Variants in DHX40 observed in about 807,000 individuals in gnomAD.
DHX40 encodes the protein probable ATP-dependent RNA helicase DHX40.
DHX40 carries 28 observed loss-of-function variants against 89.6 expected under a neutral mutation model. That is an observed-to-expected ratio of 0.31 (90% CI 0.23 to 0.43). The LOEUF (loss-of-function observed/expected upper bound fraction) is 0.43, where lower values mean the gene tolerates loss of function less well. DHX40 is among the 20% of genes least tolerant of loss of function. The pLI, the probability that DHX40 is intolerant of heterozygous loss-of-function variation, is 1.00. For missense variants in DHX40, 457 were observed against 844.0 expected (o/e 0.54, Z 5.68); for synonymous variants, 226 against 283.6 (o/e 0.80, Z 2.04).
At chr17:59,600,829 G>T (rs2030458516) in intron 14 of DHX40, among the ~76,000 whole-genome samples, 1 of 150,104 alleles carries the variant, frequency 6.7e-6, no homozygotes, top group South Asian at 2.1e-4. Flanking sequence ...GGGCAACAGA[G>T]CAGCAGCACC....
In DHX40 at chr17:59,607,143, C is replaced by T. The variant is rs1326263616; in HGVS notation, c.2311C>T (p.His771Tyr). The T allele has an allele frequency of 5.6e-6, 9 of 1,614,052 alleles. No homozygotes were observed. The Admixed American group carries it at 8.3e-5, about 15-fold the overall frequency. ...LERKQQRTQD[H>Y]SDTRKETG ...GAGAAAGCAGCAGAGGACCCAGGAC[C>T]ACAGTGACACACGAAAGGAAACAGG... is the stretch of plus-strand genomic sequence containing the variant. Residue 771 changes from histidine to tyrosine, a missense_variant, in exon 18 of 18, where the codon CAC becomes TAC. By Grantham distance (83) the His-to-Tyr change is moderately conservative. This residue lies in a region of DHX40 where 120 missense variants were observed against 161.7 expected (regional missense o/e 0.74). Coordinates refer to ENST00000251241, the MANE Select transcript of DHX40 (RefSeq NM_024612.5).
intron 1 of DHX40, 143 bp downstream of exon 1, chr17:59,565,926 A>C: frequency 3.0e-6 from 2 of 670,552 alleles, no homozygotes; most frequent in South Asian, 4.9e-5. Flanking sequence ...CCCGAGGCGA[A>C]CTTTGCGTCC....
At chr17:59,567,320 A>C (rs1160235180) in intron 2 of DHX40, among the ~76,000 whole-genome samples, 3 of 152,198 alleles carry the variant, frequency 2.0e-5, no homozygotes, top group Non-Finnish European at 4.4e-5. Flanking sequence ...AAATGGAGTT[A>C]CTCATACTGA....
rs183240600 is a variant in DHX40, at chr17:59,607,907, A to C, written c.*735A>C. The C allele has an allele frequency of 6.0e-5, 9 of 151,248 alleles. No homozygotes were observed. The highest frequency in any genetic ancestry group is 1.0e-4 in the Non-Finnish European group (7 of 67,870). 9.4% of individuals were successfully genotyped at this position (151,248 alleles called of 1,614,324 possible). A position where few individuals can be genotyped will look rare whatever the true frequency, so the allele number is the denominator to read the frequency against. On this transcript the variant is annotated 3_prime_UTR_variant, in exon 18 of 18. Coordinates refer to ENST00000251241, the MANE Select transcript of DHX40 (RefSeq NM_024612.5). ...ATATATATATGATATATATATATAT[A>C]TAAGTTCTTTTTTAGCTGTACCTAC...
chr17:59,603,082 G>A (rs941259574), intron 15 of DHX40, among the ~76,000 whole-genome samples: 1 of 152,194 alleles, frequency 6.6e-6, no homozygotes, highest in Non-Finnish European at 1.5e-5. Flanking sequence ...TGGTGATGGA[G>A]ATTCATTAAA....
chr17:59,566,665 C>A lies in DHX40; in HGVS notation c.151C>A (p.Pro51Thr), dbSNP rs2048709473. The A allele has an allele frequency of 6.2e-7, 1 of 1,602,802 alleles. No individual in the cohort carries two copies. Residue 51 changes from proline to threonine, a missense_variant, in exon 2 of 18, where the codon CCA becomes ACA. Physicochemically the swap from Pro to Thr is conservative, Grantham distance 38. This residue lies in a region of DHX40 where 75 missense variants were observed against 76.8 expected (regional missense o/e 0.98). Coordinates refer to ENST00000251241, the MANE Select transcript of DHX40 (RefSeq NM_024612.5). ...CACGTCCCAGGAGGGAGGAACTACTCCAACTTTTCCTATTCAGAAACAAAG... is the reference window on the plus strand; with the variant it reads ...CACGTCCCAGGAGGGAGGAACTACTACAACTTTTCCTATTCAGAAACAAAG... ...GCTSQEGGTT[P>T]TFPIQKQRKK...
At chr17:59,575,154 G>A (rs925570265) in intron 6 of DHX40, among the ~76,000 whole-genome samples, 186 bp from the exon 7 acceptor site, 2 of 151,934 alleles carry the variant, frequency 1.3e-5, no homozygotes, top group African/African-American at 4.8e-5. Flanking sequence ...CTTAGAAACT[G>A]ATGTTTCTTC....
intron 1 of DHX40, 152 bp from the exon 2 acceptor site, chr17:59,566,475 A>T (rs971835400): frequency 8.1e-6 from 6 of 737,732 alleles, no homozygotes; most frequent in Non-Finnish European, 1.3e-5. Flanking sequence ...TGCGCTCATT[A>T]ACGCTCACTT....
intron 14 of DHX40, among the ~76,000 whole-genome samples, chr17:59,600,733 G>A (rs1299433631): frequency 6.6e-6 from 1 of 151,986 alleles, no homozygotes; most frequent in Non-Finnish European, 1.5e-5. Context: ...TGTAGTGCTA[G>A]CTACTCAGGA....
At chr17:59,570,034 A>G (rs973701322) in intron 2 of DHX40, among the ~76,000 whole-genome samples, 1 of 135,624 alleles carries the variant, frequency 7.4e-6, no homozygotes, top group African/African-American at 2.8e-5. Flanking sequence ...ACAAGAGCAA[A>G]ACTCTGTCTA....
rs1167436332 is a variant in DHX40 at position 59,565,752 on chromosome 17, G to C, written c.81G>C (p.Glu27Asp). Residue 27 changes from glutamate (E) to aspartate (D), a missense_variant, in exon 1 of 18, where the codon GAG becomes GAC. Coordinates refer to ENST00000251241, the MANE Select transcript of DHX40 (RefSeq NM_024612.5). ...AGCGGTCAAGAGACCTCCAGGAAGA[G>C]CGGCTCTCGGCTGTTTGCATCGCCG... ...EGERSRDLQE[E>D]RLSAVCIADR... 6.2e-7 allele frequency: 1 copy of C among 1,604,958 alleles called. No individual in the cohort carries two copies. The highest frequency in any genetic ancestry group is 8.5e-7 in the Non-Finnish European group (1 of 1,179,370).
chr17:59,568,850 A>C (rs926780169), intron 2 of DHX40, among the ~76,000 whole-genome samples: 19 of 149,718 alleles, frequency 1.3e-4, no homozygotes, highest in Non-Finnish European at 2.2e-4. Flanking sequence ...ATATATATAT[A>C]TATAAATATA....
At chr17:59,567,443 C>T (rs1343511868) in intron 2 of DHX40, among the ~76,000 whole-genome samples, 1 of 152,192 alleles carries the variant, frequency 6.6e-6, no homozygotes. Context: ...CAAGAAGTTT[C>T]CTCTGCTTTA....
chr17:59,572,906 A>G (rs2048831432), intron 3 of DHX40, among the ~76,000 whole-genome samples: 1 of 152,216 alleles, frequency 6.6e-6, no homozygotes, highest in Non-Finnish European at 1.5e-5. Context: ...GCTTTGTCCA[A>G]GAATACCCAA....
Position 59,577,286 on chromosome 17 carries a change from T to C in DHX40, c.994T>C (p.Leu332=). The change falls in exon 8 of 18, where the codon TTG becomes CTG. Residue 332 remains leucine, a synonymous_variant. Transcript: ENST00000251241. ...TTCAGATCAACAGAGGAGGATATTT[T>C]TGCCACCACCACCTGGAATTAGAAA... ...MTTDQQRRIF[L]PPPPGIRKCV... 6.2e-7 allele frequency: 1 copy of C among 1,613,788 alleles called. No individual in the cohort carries two copies. The highest frequency in any genetic ancestry group is 8.5e-7 in the Non-Finnish European group (1 of 1,179,716).
intron 12 of DHX40, among the ~76,000 whole-genome samples, chr17:59,596,292 C>T (rs937486152): frequency 1.2e-4 from 18 of 152,232 alleles, no homozygotes; most frequent in African/African-American, 3.1e-4. Context: ...CCCTGGCTGG[C>T]GTGTTGGCTC....
Position 59,574,261 on chromosome 17 carries a change from A to C in DHX40, c.841+7A>C, listed in dbSNP as rs1434856510. 4.2e-6 allele frequency: 2 copies of C among 471,074 alleles called. No homozygotes were observed. The highest frequency in any genetic ancestry group is 8.2e-5 in the Admixed American group (2 of 24,306). The allele number at this position is 471,074 out of a possible 1,614,324, so 29.2% of individuals were successfully genotyped here. The stretch of plus-strand genomic sequence containing the variant: ...ATCTTGGTTTTTCTGACTGGTGAGC[A>C]TTCAGTATCAAGTTAAAAAACTTAA... On this transcript the variant is annotated splice_region_variant and intron_variant, in intron 6 of 17. Coordinates refer to ENST00000251241, the MANE Select transcript of DHX40 (RefSeq NM_024612.5).
chr17:59,577,448 T>A (rs2048900962), intron 8 of DHX40, 83 bp downstream of exon 8: 4 of 1,065,306 alleles, frequency 3.8e-6, no homozygotes, highest in Non-Finnish European at 4.2e-6. Flanking sequence ...TTTGCTTTTC[T>A]GTGCCCTCCA....
intron 12 of DHX40, among the ~76,000 whole-genome samples, chr17:59,596,178 G>C (rs1474289183): frequency 6.6e-6 from 1 of 152,164 alleles, no homozygotes. Flanking sequence ...AGCCAGGATG[G>C]GGTCGATGCT....
Sources: gnomAD v4.1 joint callset for allele counts (sites outside exome capture counted in the v4.1 genomes callset) on GRCh38, gnomAD v4.1.1 for gene constraint, gnomAD v4.1.1 regional missense constraint, MANE v1.5 for transcripts, NCBI Gene and HGNC (gene_info 2026-07-23, HGNC 2026-07-21) for gene names.